The following DBX1 variants were observed in gnomAD, a reference collection of about 807,000 sequenced individuals.
The protein encoded by DBX1 is developing brain homeobox 1, also known as homeobox protein DBX1.
In DBX1, 10 loss-of-function variants were observed where a neutral mutation model predicts 20.8. That is an observed-to-expected ratio of 0.48 (90% CI 0.30 to 0.82). The LOEUF (loss-of-function observed/expected upper bound fraction) is 0.82. Among genes scored for constraint, DBX1 ranks in the 40% least tolerant of loss-of-function variants. The pLI is 0.07. For synonymous variants in DBX1, 241 were observed against 213.9 expected, an observed-to-expected ratio of 1.13 and a Z score of -1.11; for missense variants, 505 against 468.8, an observed-to-expected ratio of 1.08 and a Z score of -0.71.
In DBX1 at chr11:20,158,570, CAG is replaced by C. The variant is rs368872830; in HGVS notation, c.469+619_469+620del. Among the ~76,000 whole-genome samples the C allele has an allele frequency of 3.1e-3, 474 of 152,162 alleles. 2 individuals carry two copies. The highest frequency in any genetic ancestry group is 0.022 in the South Asian group (107 of 4,826). On this transcript the variant is annotated intron_variant, in intron 2 of 3. Transcript: ENST00000524983. ...GCAAGATCAACGGTATTTTATAATACAGGGTGGGAAAGGAGTATGAGAAGGGG... is the reference window on the plus strand; with the variant it reads ...GCAAGATCAACGGTATTTTATAATACGGTGGGAAAGGAGTATGAGAAGGGG...
chr11:20,157,136 C>T lies in DBX1; in HGVS notation c.573G>A (p.Val191=). 1 of 1,613,390 alleles carries T rather than the reference C, an allele frequency of 6.2e-7. No individual in the cohort carries two copies. Among genetic ancestry groups the T allele is most frequent in the Non-Finnish European group, 8.5e-7 (1 of 1,179,914 alleles). ...ACATCTTCTCCAGCGCCTTCCGCTG[C>T]ACGTCGGAGAAGACTGCTCGACGCA... ...GMLRRAVFSD[V]QRKALEKMFQ... Residue 191 remains valine, a synonymous_variant, in exon 3 of 4, where the codon GTG becomes GTA. Transcript: ENST00000524983.
chr11:20,156,405 C>T lies in DBX1; in HGVS notation c.841G>A (p.Gly281Ser). The T allele has an allele frequency of 6.2e-7, 1 of 1,601,800 alleles. No homozygotes were observed. Among genetic ancestry groups the T allele is most frequent in the Non-Finnish European group, 8.5e-7 (1 of 1,173,782 alleles). ...KGPGNEEEEE[G>S]PGSPSHRLAY... Reference sequence around the variant, plus strand: ...AGGCGGTGGCTGGGGCTGCCCGGGCCCTCCTCCTCCTCTTCGTTCCCAGGG... The same window carrying T: ...AGGCGGTGGCTGGGGCTGCCCGGGCTCTCCTCCTCCTCTTCGTTCCCAGGG... The change falls in exon 4 of 4, where the codon GGC (glycine) becomes AGC (serine). Residue 281 changes from glycine to serine, a missense_variant. By Grantham distance (56) the Gly-to-Ser change is moderately conservative. Coordinates refer to ENST00000524983, the MANE Select transcript of DBX1 (RefSeq NM_001029865.4). The surrounding 1 kb of genome is among the most constrained non-coding windows in gnomAD (Gnocchi z 4.8).
In DBX1 at chr11:20,157,187, C is replaced by CGCGGCCA. The variant is rs2063664186; in HGVS notation, c.515_521dup (p.Arg175GlyfsTer75). ...GCATGCCCCGCCGAGGCTTCCCGCG[C>CGCGGCCA]GCGGCCAGCGGCCAGGAGAAGGTCC... On this transcript the variant is annotated frameshift_variant, in exon 3 of 4. Transcript: ENST00000524983. LOFTEE classifies it high-confidence loss of function. 6.2e-7 allele frequency: 1 copy of CGCGGCCA among 1,601,404 alleles called. No individual in the cohort carries two copies. The highest frequency in any genetic ancestry group is 1.3e-5 in the African/African-American group (1 of 74,748).
rs57294934 is a variant in DBX1, at chr11:20,158,203, ATGGTGGTGGTGGTGG to A, written c.469+973_470-965del. ...AATTCCATTATTAGCAGCAGTGTGA[ATGGTGGTGGTGGTGG>A]TGGTGGTGGTGGTGGTGGTGGTGCT... On this transcript the variant is annotated intron_variant, in intron 2 of 3. Transcript: ENST00000524983. 7.5e-4 allele frequency among the ~76,000 whole-genome samples: 80 copies of A among 106,718 alleles called. 1 individual carries two copies. Among genetic ancestry groups the A allele is most frequent in the Middle Eastern group, 4.3e-3 (1 of 232 alleles). The allele number at this position is 106,718 out of a possible 152,430, so 70.0% of individuals were successfully genotyped here.
In DBX1 at chr11:20,160,298, G is replaced by A; in HGVS notation, c.27C>T (p.Pro9=). Residue 9 remains proline (P), a synonymous_variant, in exon 1 of 4, where the codon CCC becomes CCT. Coordinates refer to ENST00000524983, the MANE Select transcript of DBX1 (RefSeq NM_001029865.4). ...GCAGGAGGCTAGGGTACCCGGCGGG[G>A]GGCGCGAGGAGGCCGGGGAACATCA... is the stretch of plus-strand genomic sequence containing the variant. MMFPGLLA[P]PAGYPSLLRP... The A allele has an allele frequency of 6.5e-7, 1 of 1,528,080 alleles. No homozygotes were observed. Among genetic ancestry groups the A allele is most frequent in the Non-Finnish European group, 8.8e-7 (1 of 1,139,360 alleles). The allele number at this position is 1,528,080 out of a possible 1,614,324, so 94.7% of individuals were successfully genotyped here.
At chr11:20,157,504 C>T (rs1366808537) in intron 2 of DBX1, among the ~76,000 whole-genome samples, 1 of 152,202 alleles carries the variant, frequency 6.6e-6, no homozygotes, top group Non-Finnish European at 1.5e-5. Flanking sequence ...TTTCGTTTTT[C>T]CATTCAGTGG....
chr11:20,158,681 A>C (rs929356174), intron 2 of DBX1, among the ~76,000 whole-genome samples: 1 of 152,098 alleles, frequency 6.6e-6, no homozygotes, highest in Non-Finnish European at 1.5e-5. Context: ...ATCCCACACA[A>C]GAGGGCACCC....
At position 20,160,248 on chromosome 11, in the gene DBX1, G is replaced by A; in HGVS notation, c.77C>T (p.Pro26Leu). The A allele has an allele frequency of 6.5e-7, 1 of 1,544,500 alleles. No homozygotes were observed. Among genetic ancestry groups the A allele is most frequent in the East Asian group, 2.5e-5 (1 of 40,816 alleles). Residue 26 changes from proline (P) to leucine (L), a missense_variant, in exon 1 of 4, where the codon CCC (proline) becomes CTC (leucine). Transcript: ENST00000524983. ...GGAAAATGCCGACTGCAAGGACTGGGGCAGCGTCAAGGTGGGCGTGGGCCG... is the reference window on the plus strand; with the variant it reads ...GGAAAATGCCGACTGCAAGGACTGGAGCAGCGTCAAGGTGGGCGTGGGCCG... ...LLRPTPTLTL[P>L]QSLQSAFSGH...
At chr11:20,157,278 G>C in intron 2 of DBX1, 39 bp from the exon 3 acceptor site, 1 of 1,514,064 alleles carries the variant, frequency 6.6e-7, no homozygotes, top group Non-Finnish European at 8.9e-7. Context: ...GTGGGCGTAC[G>C]CCCCCCAGTC....
In DBX1 at chr11:20,157,097, C is replaced by T. The variant is rs2063663047; in HGVS notation, c.612G>A (p.Lys204=). The T allele has an allele frequency of 1.2e-6, 2 of 1,613,884 alleles. No individual in the cohort carries two copies. The highest frequency in any genetic ancestry group is 1.3e-5 in the African/African-American group (1 of 74,932). ...TCTTGCGGTCGGGCTTGCTGATGTACTTCTGCTTCTGGAACATCTTCTCCA... is the reference window on the plus strand; with the variant it reads ...TCTTGCGGTCGGGCTTGCTGATGTATTTCTGCTTCTGGAACATCTTCTCCA... ...KALEKMFQKQ[K]YISKPDRKKL... The change falls in exon 3 of 4, where the codon AAG becomes AAA. Residue 204 remains lysine (K), a synonymous_variant. Coordinates refer to ENST00000524983, the MANE Select transcript of DBX1 (RefSeq NM_001029865.4).
At position 20,156,365 on chromosome 11, in the gene DBX1, G is replaced by A. The variant is rs1248906739; in HGVS notation, c.881C>T (p.Ser294Phe). 7 of 1,605,466 alleles carry A rather than the reference G, an allele frequency of 4.4e-6. No individual in the cohort carries two copies. The highest frequency in any genetic ancestry group is 6.0e-6 in the Non-Finnish European group (7 of 1,174,204). Residue 294 changes from serine to phenylalanine, a missense_variant, in exon 4 of 4, where the codon TCC (serine) becomes TTC (phenylalanine). Physicochemically the swap from Ser to Phe is radical, Grantham distance 155. Coordinates refer to ENST00000524983, the MANE Select transcript of DBX1 (RefSeq NM_001029865.4). This position sits in a 1 kb window ranked among gnomAD's most constrained non-coding sequence, Gnocchi z 4.8. ...GTCCCGCAGGTGCTGGGGGTCGGAG[G>A]ACGCGTGGTAGGCCAGGCGGTGGCT... ...SPSHRLAYHA[S>F]SDPQHLRDPR...
Position 20,156,220 on chromosome 11 carries a change from C to T in DBX1, c.1026G>A (p.Val342=). 1 of 1,518,150 alleles carries T rather than the reference C, an allele frequency of 6.6e-7. No individual in the cohort carries two copies. Among genetic ancestry groups the T allele is most frequent in the Non-Finnish European group, 8.8e-7 (1 of 1,134,912 alleles). The allele number at this position is 1,518,150 out of a possible 1,614,324, so 94.0% of individuals were successfully genotyped here. A position where few individuals can be genotyped will look rare whatever the true frequency, so the allele number is the denominator to read the frequency against. The stretch of plus-strand genomic sequence containing the variant: ...TCTGGCGTGCGAGCGGCTTCTAGGA[C>T]ACGGTGATTTCCTCCTGTTCCTCGC... ...EEGEEQEEIT[V]S The change falls in exon 4 of 4, where the codon GTG becomes GTA. Residue 342 remains valine, a synonymous_variant. Transcript: ENST00000524983. The surrounding 1 kb of genome is among the most constrained non-coding windows in gnomAD (Gnocchi z 4.8).
In DBX1 at chr11:20,157,169, C is replaced by G. The variant is rs763073718; in HGVS notation, c.540G>C (p.Arg180=). The change falls in exon 3 of 4, where the codon CGG becomes CGC. Residue 180 remains arginine, a synonymous_variant. Transcript: ENST00000524983. The stretch of plus-strand genomic sequence containing the variant: ...AGAAGACTGCTCGACGCAGCATGCC[C>G]CGCCGAGGCTTCCCGCGCGCGGCCA... ...WPLAARGKPR[R]GMLRRAVFSD... is the part of the protein sequence containing the mutation. The G allele has an allele frequency of 4.3e-6, 7 of 1,609,418 alleles. No individual in the cohort carries two copies. Among genetic ancestry groups the G allele is most frequent in the South Asian group, 1.1e-5 (1 of 90,452 alleles).
rs923940147 is a variant in DBX1, at chr11:20,156,895, G to A, written c.672+142C>T. 3.7e-5 allele frequency: 31 copies of A among 834,474 alleles called. No individual in the cohort carries two copies. In the African/African-American group the frequency reaches 4.5e-4, roughly 12 times the overall value. The allele number at this position is 834,474 out of a possible 1,614,324, so 51.7% of individuals were successfully genotyped here. On this transcript the variant is annotated intron_variant, in intron 3 of 3. Transcript: ENST00000524983. The surrounding 1 kb of genome is among the most constrained non-coding windows in gnomAD (Gnocchi z 4.8). The stretch of plus-strand genomic sequence containing the variant: ...CGGAGCTTCGAGGGTAGTGGCCCGT[G>A]TACTCACTCCCTCTCTAGGCCTCGG...
Position 20,160,466 on chromosome 11 carries a change from C to A in DBX1, c.-142G>T. ...AGTAACAATCCCACTTGGGCGTCTG[C>A]GAGTCCTCCGTGGTCCTCTCGTCGA... is the stretch of plus-strand genomic sequence containing the variant. On this transcript the variant is annotated 5_prime_UTR_variant, in exon 1 of 4. Coordinates refer to ENST00000524983, the MANE Select transcript of DBX1 (RefSeq NM_001029865.4). 1 of 1,128,148 alleles carries A rather than the reference C, an allele frequency of 8.9e-7. No homozygotes were observed. Among genetic ancestry groups the A allele is most frequent in the Non-Finnish European group, 1.2e-6 (1 of 845,458 alleles). 69.9% of individuals were successfully genotyped at this position (1,128,148 alleles called of 1,614,324 possible).
chr11:20,157,198 G>A lies in DBX1; in HGVS notation c.511C>T (p.Pro171Ser). The A allele has an allele frequency of 6.3e-7, 1 of 1,595,178 alleles. No homozygotes were observed. Among genetic ancestry groups the A allele is most frequent in the African/African-American group, 1.3e-5 (1 of 74,782 alleles). The change falls in exon 3 of 4, where the codon CCG becomes TCG. Residue 171 changes from proline (P) to serine (S), a missense_variant. Physicochemically the swap from Pro to Ser is moderately conservative, Grantham distance 74. Transcript: ENST00000524983. ...CGAGGCTTCCCGCGCGCGGCCAGCG[G>A]CCAGGAGAAGGTCCCGGGGATGGGC... ...VVPIPGTFSWPLAARGKPRRG... is the reference protein window; with the variant it reads ...VVPIPGTFSWSLAARGKPRRG...
chr11:20,160,024 G>A lies in DBX1; in HGVS notation c.301C>T (p.Pro101Ser). 1 of 1,609,758 alleles carries A rather than the reference G, an allele frequency of 6.2e-7. No individual in the cohort carries two copies. Among genetic ancestry groups the A allele is most frequent in the South Asian group, 1.1e-5 (1 of 90,168 alleles). ...RGGSPPTAFS[P>S]ASETTFLKFG... is the part of the protein sequence containing the mutation. ...TTCAGAAACGTCGTCTCGCTGGCAG[G>A]GGAGAAGGCAGTCGGCGGAGAGCCG... Residue 101 changes from proline (P) to serine (S), a missense_variant, in exon 1 of 4, where the codon CCT becomes TCT. Pro to Ser is a moderately conservative substitution (Grantham distance 74). Coordinates refer to ENST00000524983, the MANE Select transcript of DBX1 (RefSeq NM_001029865.4).
intron 2 of DBX1, among the ~76,000 whole-genome samples, chr11:20,158,300 C>T (rs1486239487): frequency 1.3e-5 from 2 of 151,858 alleles, no homozygotes; most frequent in African/African-American, 2.4e-5. Flanking sequence ...TTGCTTGTTT[C>T]TTTTGCTGAT....
In DBX1 at chr11:20,160,308, A is replaced by G. The variant is rs1375456065; in HGVS notation, c.17T>C (p.Leu6Pro). 2.6e-6 allele frequency: 4 copies of G among 1,521,224 alleles called. No individual in the cohort carries two copies. Among genetic ancestry groups the G allele is most frequent in the East Asian group, 5.0e-5 (2 of 40,346 alleles). 94.2% of individuals were successfully genotyped at this position (1,521,224 alleles called of 1,614,324 possible). A position where few individuals can be genotyped will look rare whatever the true frequency, so the allele number is the denominator to read the frequency against. Residue 6 changes from leucine to proline, a missense_variant, in exon 1 of 4, where the codon CTC becomes CCC. Leu to Pro is a moderately conservative substitution (Grantham distance 98). Transcript: ENST00000524983. ...AGGGTACCCGGCGGGGGGCGCGAGG[A>G]GGCCGGGGAACATCATGGTAGGCGC... is the stretch of plus-strand genomic sequence containing the variant. MMFPGLLAPPAGYPSL... is the reference protein window; with the variant it reads MMFPGPLAPPAGYPSL...
Sources: gnomAD v4.1 joint callset for allele counts (sites outside exome capture counted in the v4.1 genomes callset) on GRCh38, gnomAD v4.1.1 for gene constraint, Gnocchi (gnomAD v3.1) non-coding constraint, MANE v1.5 for transcripts, NCBI Gene and HGNC (gene_info 2026-07-23, HGNC 2026-07-21) for gene names.